Variants in ZNF292 observed in about 807,000 individuals in gnomAD.
ZNF292 encodes 16 zinc-finger domain protein.
A neutral mutation model predicts 217.9 loss-of-function variants in ZNF292; 26 were observed. The observed-to-expected ratio is 0.12, with a 90% CI of 0.09 to 0.17. ZNF292 has a LOEUF of 0.17. Among genes scored for constraint, ZNF292 ranks in the 10% least tolerant of loss-of-function variants. The probability of loss-of-function intolerance (pLI) is 1.00; values close to 1 mark genes in which losing one functional copy is unlikely to be tolerated. For synonymous variants in ZNF292, 1,257 were observed against 1,124.1 expected (o/e 1.12, Z -2.37); for missense variants, 2,904 against 3,175.2 (o/e 0.91, Z 2.05).
chr6:87,241,203 G>A (rs567848504), intron 5 of ZNF292, among the ~76,000 whole-genome samples: 44 of 152,230 alleles, frequency 2.9e-4, no homozygotes, highest in African/African-American at 1.0e-3. Flanking sequence ...AGAGTCGCTT[G>A]AACCTGGGAG....
intron 1 of ZNF292, among the ~76,000 whole-genome samples, chr6:87,209,670 A>G (rs1772400020): frequency 6.6e-6 from 1 of 152,206 alleles, no homozygotes; most frequent in African/African-American, 2.4e-5. Context: ...GAAAAATGTA[A>G]AACAATGCCT....
intron 1 of ZNF292, among the ~76,000 whole-genome samples, chr6:87,203,870 A>G (rs1348878643): frequency 2.0e-5 from 3 of 152,144 alleles, no homozygotes; most frequent in Non-Finnish European, 4.4e-5. Context: ...GAGCCTAAGC[A>G]GAACAGGAAG....
At chr6:87,236,407 A>T (rs11968185) in intron 5 of ZNF292, among the ~76,000 whole-genome samples, 13,488 of 131,954 alleles carry the variant, frequency 0.1, 1,090 homozygotes, top group African/African-American at 0.27. Flanking sequence ...TTTTTTTTTA[A>T]AAAAGAAAAG....
At chr6:87,164,769 T>G (rs1770860171) in intron 1 of ZNF292, among the ~76,000 whole-genome samples, 1 of 150,764 alleles carries the variant, frequency 6.6e-6, no homozygotes, top group South Asian at 2.1e-4. Flanking sequence ...CCTCTTTTTT[T>G]TTTTTTTTTT....
intron 1 of ZNF292, among the ~76,000 whole-genome samples, chr6:87,192,280 A>T (rs953772051): frequency 6.6e-6 from 1 of 152,172 alleles, no homozygotes; most frequent in African/African-American, 2.4e-5. Context: ...TAAATATCTC[A>T]ACAGTCTTTC....
Position 87,258,128 on chromosome 6 carries a change from C to T in ZNF292, c.4499C>T (p.Pro1500Leu), listed in dbSNP as rs1236803707. ...CAGGCTTTGGAAACTGCTGGCATTC[C>T]CAGTACATTTGAGGGTGCCGAAATG... ...IKQALETAGI[P>L]STFEGAEMLS... The change falls in exon 8 of 8, where the codon CCC (proline) becomes CTC (leucine). Residue 1500 changes from proline to leucine, a missense_variant. Transcript: ENST00000369577. The T allele has an allele frequency of 6.8e-6, 11 of 1,612,298 alleles. No individual in the cohort carries two copies. The highest frequency in any genetic ancestry group is 9.3e-6 in the Non-Finnish European group (11 of 1,179,188).
At chr6:87,206,157 A>G (rs1290007395) in intron 1 of ZNF292, among the ~76,000 whole-genome samples, 1 of 152,220 alleles carries the variant, frequency 6.6e-6, no homozygotes, top group Non-Finnish European at 1.5e-5. Context: ...AAAGAAAACA[A>G]GATGCTTAAA....
chr6:87,160,849 C>T (rs1025202981), intron 1 of ZNF292, among the ~76,000 whole-genome samples: 3 of 152,062 alleles, frequency 2.0e-5, no homozygotes, highest in Non-Finnish European at 4.4e-5. Flanking sequence ...ATTTAGTGCC[C>T]ATGAGCTTCA....
intron 7 of ZNF292, among the ~76,000 whole-genome samples, chr6:87,250,081 CAT>C (rs1376337735): frequency 1.3e-5 from 2 of 148,864 alleles, no homozygotes; most frequent in Non-Finnish European, 3.0e-5. Flanking sequence ...ACCAGCTACT[CAT>C]ATGTTAATTT....
intron 1 of ZNF292, among the ~76,000 whole-genome samples, chr6:87,179,877 A>G (rs1028974812): frequency 1.3e-5 from 2 of 152,132 alleles, no homozygotes; most frequent in Admixed American, 6.5e-5. Context: ...GATTTTTTTC[A>G]TGCTATCTTT....
chr6:87,205,128 A>C (rs768331678), intron 1 of ZNF292, among the ~76,000 whole-genome samples: 40 of 152,108 alleles, frequency 2.6e-4, no homozygotes, highest in Non-Finnish European at 5.1e-4. Context: ...GCTGTAGTGC[A>C]GTGGCAAGAT....
intron 6 of ZNF292, among the ~76,000 whole-genome samples, chr6:87,244,569 C>T (rs761249088): frequency 6.6e-6 from 1 of 152,112 alleles, no homozygotes; most frequent in Non-Finnish European, 1.5e-5. Context: ...TGAAGATAAG[C>T]AGTTGTGAGT....
intron 1 of ZNF292, among the ~76,000 whole-genome samples, chr6:87,207,165 C>T (rs1452819195): frequency 1.3e-5 from 2 of 152,180 alleles, no homozygotes; most frequent in Admixed American, 6.5e-5. Flanking sequence ...TCTGCTTTCA[C>T]CTAATGTTTC....
intron 1 of ZNF292, among the ~76,000 whole-genome samples, chr6:87,172,050 G>A (rs905688906): frequency 6.6e-6 from 1 of 152,224 alleles, no homozygotes; most frequent in South Asian, 2.1e-4. Context: ...CTGTGAATGG[G>A]CAATCTCTTT....
chr6:87,246,726 G>A (rs1774606807), intron 7 of ZNF292, among the ~76,000 whole-genome samples: 1 of 152,078 alleles, frequency 6.6e-6, no homozygotes, highest in African/African-American at 2.4e-5. Context: ...AAGTTAGCCA[G>A]AATTGATGGC....
At chr6:87,227,475 G>A (rs757339883) in intron 4 of ZNF292, among the ~76,000 whole-genome samples, 4 of 151,444 alleles carry the variant, frequency 2.6e-5, no homozygotes, top group East Asian at 3.9e-4. Flanking sequence ...AAAATGTACC[G>A]TCTTAACTGT....
chr6:87,216,240 TATAATTTCCTTTGAATTTTA>T (rs1315597543), intron 2 of ZNF292, 39 bp from the exon 3 acceptor site: 1 of 1,461,434 alleles, frequency 6.8e-7, no homozygotes, highest in African/African-American at 1.4e-5. Context: ...TTACTGGTTT[TATAATTTCCTTTGAATTTTA>T]ATAATTATTC....
intron 5 of ZNF292, among the ~76,000 whole-genome samples, chr6:87,238,797 T>C (rs1774038253): frequency 1.3e-5 from 2 of 151,282 alleles, no homozygotes; most frequent in Admixed American, 1.3e-4. Flanking sequence ...TGAACAAAGG[T>C]CTCTGGTTTT....
At chr6:87,169,288 G>A (rs750029619) in intron 1 of ZNF292, among the ~76,000 whole-genome samples, 2 of 151,794 alleles carry the variant, frequency 1.3e-5, no homozygotes, top group African/African-American at 2.4e-5. Context: ...TGATCTGCTC[G>A]CCTCAGCCTC....
Sources: gnomAD v4.1 joint callset for allele counts (sites outside exome capture counted in the v4.1 genomes callset) on GRCh38, gnomAD v4.1.1 for gene constraint, MANE v1.5 for transcripts, NCBI Gene and HGNC (gene_info 2026-07-23, HGNC 2026-07-21) for gene names.